Variants in DOCK2 observed in about 807,000 individuals in gnomAD.
DOCK2 encodes dedicator of cytokinesis 2.
Under a neutral mutation model 248.9 loss-of-function variants are expected in DOCK2, and 87 were observed. The ratio of observed to expected loss-of-function variants is 0.35; its 90% confidence interval spans 0.29 to 0.42. The LOEUF is 0.42. Among genes scored for constraint, DOCK2 ranks in the 10% least tolerant of loss-of-function variants. The pLI is 1.00. For synonymous variants in DOCK2, 805 were observed against 821.6 expected, an observed-to-expected ratio of 0.98 and a Z score of 0.35; for missense variants, 1,747 against 2,300.2, an observed-to-expected ratio of 0.76 and a Z score of 4.92.
chr5:170,011,858 T>C (rs978348082), intron 32 of DOCK2, among the ~76,000 whole-genome samples: 1 of 152,216 alleles, frequency 6.6e-6, no homozygotes, highest in Admixed American at 6.5e-5. Context: ...GGAGGGGCAG[T>C]AGCCATCTTA....
intron 22 of DOCK2, among the ~76,000 whole-genome samples, chr5:169,725,411 G>A (rs1171085835): frequency 2.0e-5 from 3 of 152,118 alleles, no homozygotes; most frequent in Non-Finnish European, 2.9e-5. Flanking sequence ...ATGTGAAAGT[G>A]GTTTGTCAAC....
chr5:170,079,004 CGCCGAGAGTGGA>C lies in DOCK2; in HGVS notation c.5027_5038del (p.Pro1676_Glu1679del). The C allele has an allele frequency of 6.2e-7, 1 of 1,614,120 alleles. No individual in the cohort carries two copies. Among genetic ancestry groups the C allele is most frequent in the African/African-American group, 1.3e-5 (1 of 75,042 alleles). ...GACCTGGAATTAGCATCACCCAAGA[CGCCGAGAGTGGA>C]GCAGGAGGAACCGATCTCCCCGGGG... On this transcript the variant is annotated inframe_deletion, in exon 49 of 52. Transcript: ENST00000520908.
At chr5:169,786,870 A>C (rs991337515) in intron 25 of DOCK2, among the ~76,000 whole-genome samples, 4 of 152,250 alleles carry the variant, frequency 2.6e-5, no homozygotes, top group African/African-American at 9.6e-5. Context: ...ACACATCTTA[A>C]GTATATAGTA....
intron 41 of DOCK2, among the ~76,000 whole-genome samples, chr5:170,052,080 C>T (rs1756936765): frequency 6.6e-6 from 1 of 152,216 alleles, no homozygotes; most frequent in African/African-American, 2.4e-5. Context: ...CCCAGCATTG[C>T]ACCGTTTAGC....
At chr5:169,874,650 G>A (rs1367027733) in intron 27 of DOCK2, among the ~76,000 whole-genome samples, 1 of 152,080 alleles carries the variant, frequency 6.6e-6, no homozygotes, top group Non-Finnish European at 1.5e-5. Flanking sequence ...CCAGAGGGCC[G>A]TTCTTAGCGT....
At chr5:169,805,275 A>T (rs1213458929) in intron 26 of DOCK2, among the ~76,000 whole-genome samples, 1 of 151,456 alleles carries the variant, frequency 6.6e-6, no homozygotes, top group Non-Finnish European at 1.5e-5. Flanking sequence ...GGTGGCATGT[A>T]CCTATAGTCC....
Position 169,870,343 on chromosome 5 carries a change from C to T in DOCK2, c.2799+29491C>T, listed in dbSNP as rs547108971. On this transcript the variant is annotated intron_variant, in intron 27 of 51. Transcript: ENST00000520908. ...CTAGGTAATTGGAAGCAGCAAGAGC[C>T]CCAAGTCATGACTTGGCTGGAAGAA... Among the ~76,000 whole-genome samples the T allele has an allele frequency of 9.2e-5, 14 of 152,108 alleles. 1 individual carries two copies. The South Asian group carries it at 2.7e-3, about 29-fold the overall frequency.
chr5:169,637,435 A>T (rs1004651831), intron 1 of DOCK2, 66 bp downstream of exon 1: 232 of 1,294,892 alleles, frequency 1.8e-4, no homozygotes, highest in South Asian at 8.0e-4. Context: ...GAGCAGGAGG[A>T]TGCTGCGGGG....
chr5:170,015,112 A>G (rs895858411), intron 32 of DOCK2, among the ~76,000 whole-genome samples: 3 of 152,130 alleles, frequency 2.0e-5, no homozygotes, highest in African/African-American at 7.2e-5. Context: ...TTGTCTTTTC[A>G]TATTGCTTAA....
At chr5:169,984,405 C>T (rs1440730746) in intron 28 of DOCK2, among the ~76,000 whole-genome samples, 1 of 152,124 alleles carries the variant, frequency 6.6e-6, no homozygotes, top group Non-Finnish European at 1.5e-5. Flanking sequence ...TGTAGGAGAC[C>T]AGGCTCTGTA....
At chr5:170,046,713 C>A (rs1228719263) in intron 39 of DOCK2, among the ~76,000 whole-genome samples, 1 of 152,006 alleles carries the variant, frequency 6.6e-6, no homozygotes, top group African/African-American at 2.4e-5. Flanking sequence ...AATACCTGCC[C>A]CGCGTGTACC....
chr5:169,774,308 A>G (rs1765257806), intron 25 of DOCK2, among the ~76,000 whole-genome samples: 1 of 152,232 alleles, frequency 6.6e-6, no homozygotes, highest in Admixed American at 6.5e-5. Context: ...CCACTTATTT[A>G]ACCATGATTT....
At chr5:169,815,975 A>G (rs1768047451) in intron 26 of DOCK2, among the ~76,000 whole-genome samples, 1 of 152,182 alleles carries the variant, frequency 6.6e-6, no homozygotes. Context: ...TTACACTCTA[A>G]ACCTTCACTG....
At chr5:169,702,088 T>A in intron 13 of DOCK2, 1 of 404,664 alleles carries the variant, frequency 2.5e-6, no homozygotes, top group South Asian at 4.0e-5. Flanking sequence ...TACTTCCCTT[T>A]TTGCAACTGA....
intron 9 of DOCK2, among the ~76,000 whole-genome samples, chr5:169,693,751 A>G (rs1178271810): frequency 6.6e-6 from 1 of 152,148 alleles, no homozygotes. Flanking sequence ...TCTCTGGGGA[A>G]ACAGAACCCA....
chr5:170,031,072 G>A (rs7701460), intron 34 of DOCK2, among the ~76,000 whole-genome samples: 2,818 of 152,340 alleles, frequency 0.018, 33 homozygotes, highest in Middle Eastern at 0.041. Context: ...TGGAGCCCAC[G>A]CTCATTGATC....
At chr5:169,912,669 T>C (rs1054018722) in intron 27 of DOCK2, among the ~76,000 whole-genome samples, 26 of 152,072 alleles carry the variant, frequency 1.7e-4, no homozygotes, top group African/African-American at 4.1e-4. Context: ...TTCATTCATG[T>C]TGCATTATAC....
At chr5:169,781,188 G>A (rs1485330227) in intron 25 of DOCK2, among the ~76,000 whole-genome samples, 2 of 152,198 alleles carry the variant, frequency 1.3e-5, no homozygotes, top group Non-Finnish European at 2.9e-5. Flanking sequence ...GAATGTGGGA[G>A]GAAATTGGAG....
At chr5:169,969,402 G>A (rs1475205756) in intron 27 of DOCK2, among the ~76,000 whole-genome samples, 4 of 152,212 alleles carry the variant, frequency 2.6e-5, no homozygotes, top group South Asian at 2.1e-4. Flanking sequence ...CCGAGATCAC[G>A]CCACTGCACT....
Sources: gnomAD v4.1 joint callset for allele counts (sites outside exome capture counted in the v4.1 genomes callset) on GRCh38, gnomAD v4.1.1 for gene constraint, MANE v1.5 for transcripts, NCBI Gene and HGNC (gene_info 2026-07-23, HGNC 2026-07-21) for gene names.